CMTM6: variants seen among roughly 807,000 people sequenced by gnomAD.
CMTM6 encodes CKLF-like MARVEL transmembrane domain-containing protein 6.
CMTM6 carries 5 observed loss-of-function variants against 13.6 expected under a neutral mutation model. That is an observed-to-expected ratio of 0.37 (90% CI 0.19 to 0.77). The LOEUF is 0.77. Among genes scored for constraint, CMTM6 ranks in the 30% least tolerant of loss-of-function variants. The probability of loss-of-function intolerance (pLI) is 0.50; values close to 1 mark genes in which losing one functional copy is unlikely to be tolerated. For synonymous variants in CMTM6, 99 were observed against 84.5 expected (o/e 1.17, Z -0.94); for missense variants, 196 against 218.6 (o/e 0.90, Z 0.65).
chr3:32,501,800 T>C (rs1229869992), intron 1 of CMTM6, among the ~76,000 whole-genome samples: 1 of 152,224 alleles, frequency 6.6e-6, no homozygotes, highest in Non-Finnish European at 1.5e-5. Flanking sequence ...ACCTAAACTG[T>C]TTCTATTTTT....
rs760884671 is a variant in CMTM6, at chr3:32,502,517, C to G, written c.138+91G>C. 7.0e-5 allele frequency: 104 copies of G among 1,491,814 alleles called. No individual in the cohort carries two copies. In the Admixed American group the frequency reaches 1.4e-3, roughly 20 times the overall value. 92.4% of individuals were successfully genotyped at this position (1,491,814 alleles called of 1,614,324 possible). On this transcript the variant is annotated intron_variant, in intron 1 of 3. Coordinates refer to ENST00000205636, the MANE Select transcript of CMTM6 (RefSeq NM_017801.3). ...TGGAAACCTCCTTTTACTGAACAAC[C>G]AAGCTGAAACGAAGGAGCTCGGCGG...
In CMTM6 at chr3:32,484,103, G is replaced by A. The variant is rs757256458; in HGVS notation, c.415-6C>T. 10 of 1,567,836 alleles carry A rather than the reference G, an allele frequency of 6.4e-6. No homozygotes were observed. The East Asian group carries it at 2.1e-4, about 32-fold the overall frequency. ...CTTGCTATAAATCCAAACACCTGAG[G>A]AAAAAAAGGAGGAAAGGTTATATGA... On this transcript the variant is annotated splice_region_variant and splice_polypyrimidine_tract_variant and intron_variant, in intron 3 of 3. Coordinates refer to ENST00000205636, the MANE Select transcript of CMTM6 (RefSeq NM_017801.3).
chr3:32,483,679 G>A lies in CMTM6; in HGVS notation c.*281C>T, dbSNP rs368514833. 4.5e-5 allele frequency: 10 copies of A among 223,038 alleles called. No individual in the cohort carries two copies. Among genetic ancestry groups the A allele is most frequent in the Admixed American group, 1.7e-4 (3 of 17,958 alleles). The allele number at this position is 223,038 out of a possible 1,614,324, so 13.8% of individuals were successfully genotyped here. On this transcript the variant is annotated 3_prime_UTR_variant, in exon 4 of 4. Transcript: ENST00000205636. ...AGAATGACAGAATCATTTATCAACCGTTGAGCTGTGTGATTTAAAAACAAT... is the reference window on the plus strand; with the variant it reads ...AGAATGACAGAATCATTTATCAACCATTGAGCTGTGTGATTTAAAAACAAT...
intron 3 of CMTM6, among the ~76,000 whole-genome samples, chr3:32,484,426 A>G (rs951128818): frequency 1.3e-5 from 2 of 152,224 alleles, no homozygotes; most frequent in African/African-American, 4.8e-5. Flanking sequence ...GATACAAAAC[A>G]AAAATATTTG....
intron 1 of CMTM6, among the ~76,000 whole-genome samples, chr3:32,500,766 A>T (rs1697337596): frequency 6.6e-6 from 1 of 152,240 alleles, no homozygotes; most frequent in South Asian, 2.1e-4. Flanking sequence ...CAGTTTACTA[A>T]ACTATAAGAA....
At chr3:32,500,890 G>C (rs1697338379) in intron 1 of CMTM6, among the ~76,000 whole-genome samples, 1 of 151,880 alleles carries the variant, frequency 6.6e-6, no homozygotes, top group Non-Finnish European at 1.5e-5. Flanking sequence ...GATTTTTTTC[G>C]AGCAGCAAGA....
At chr3:32,496,749 A>G (rs1171917969) in intron 1 of CMTM6, among the ~76,000 whole-genome samples, 1 of 152,230 alleles carries the variant, frequency 6.6e-6, no homozygotes, top group Non-Finnish European at 1.5e-5. Flanking sequence ...CTGGATAGAC[A>G]GAGGACATTC....
At chr3:32,502,149 G>A (rs1052767053) in intron 1 of CMTM6, among the ~76,000 whole-genome samples, 2 of 152,232 alleles carry the variant, frequency 1.3e-5, no homozygotes, top group Admixed American at 1.3e-4. Context: ...GGTATCGCAG[G>A]ACTTTGTCCA....
chr3:32,495,906 T>C (rs1184468941), intron 1 of CMTM6, among the ~76,000 whole-genome samples: 1 of 152,112 alleles, frequency 6.6e-6, no homozygotes, highest in Non-Finnish European at 1.5e-5. Context: ...AGTATGGACA[T>C]CTGGCAGGGC....
At chr3:32,500,734 C>A (rs1418311289) in intron 1 of CMTM6, among the ~76,000 whole-genome samples, 1 of 152,092 alleles carries the variant, frequency 6.6e-6, no homozygotes, top group Non-Finnish European at 1.5e-5. Flanking sequence ...TGGTTATGTT[C>A]TATTCCAAAG....
Position 32,491,793 on chromosome 3 carries a change from C to A in CMTM6, c.232G>T (p.Ala78Ser), listed in dbSNP as rs575195249. ...AGTATAAGGAGACTCAGAAGAAAGGCACTGCAGCTTACAAACTCAAAAAAA... is the reference window on the plus strand; with the variant it reads ...AGTATAAGGAGACTCAGAAGAAAGGAACTGCAGCTTACAAACTCAAAAAAA... ...LYFFEFVSCS[A>S]FLLSLLILIV... Residue 78 changes from alanine to serine, a missense_variant, in exon 2 of 4, where the codon GCC (alanine) becomes TCC (serine). Physicochemically the swap from Ala to Ser is moderately conservative, Grantham distance 99 (BLOSUM62 1). Transcript: ENST00000205636. The A allele has an allele frequency of 8.7e-6, 14 of 1,613,882 alleles. No individual in the cohort carries two copies. In the South Asian group the frequency reaches 1.4e-4, roughly 16 times the overall value.
rs1233032970 is a variant in CMTM6 at position 32,482,937 on chromosome 3, A to G, written c.*1023T>C. ...TCTATCTGATAAGGAGACAGAGAAG[A>G]GGCATCTCGAACAGATGAAAAACCA... On this transcript the variant is annotated 3_prime_UTR_variant, in exon 4 of 4. Transcript: ENST00000205636. 2 of 152,392 alleles carry G rather than the reference A, an allele frequency of 1.3e-5. No individual in the cohort carries two copies. The highest frequency in any genetic ancestry group is 4.8e-5 in the African/African-American group (2 of 41,408). 9.4% of individuals were successfully genotyped at this position (152,392 alleles called of 1,614,324 possible). A position where few individuals can be genotyped will look rare whatever the true frequency, so the allele number is the denominator to read the frequency against.
intron 2 of CMTM6, among the ~76,000 whole-genome samples, chr3:32,490,242 CAA>C (rs567802958): frequency 4.4e-5 from 5 of 114,668 alleles, no homozygotes; most frequent in Admixed American, 9.2e-5. Flanking sequence ...CAAGACTTCT[CAA>C]AAAAAAAAAA....
At chr3:32,500,041 G>T (rs1165499395) in intron 1 of CMTM6, among the ~76,000 whole-genome samples, 1 of 152,058 alleles carries the variant, frequency 6.6e-6, no homozygotes. Flanking sequence ...TCTCTTGTAG[G>T]ATCTTTGAGA....
At chr3:32,500,331 C>T (rs1697333944) in intron 1 of CMTM6, among the ~76,000 whole-genome samples, 2 of 152,224 alleles carry the variant, frequency 1.3e-5, no homozygotes, top group Non-Finnish European at 2.9e-5. Context: ...ACAACTTTTA[C>T]CGACTTCATA....
At chr3:32,501,244 C>A (rs1391109822) in intron 1 of CMTM6, among the ~76,000 whole-genome samples, 2 of 149,010 alleles carry the variant, frequency 1.3e-5, no homozygotes, top group East Asian at 4.0e-4. Flanking sequence ...CTAAAGAGTT[C>A]TACTATTCAC....
intron 2 of CMTM6, among the ~76,000 whole-genome samples, chr3:32,489,220 A>C (rs1697230316): frequency 6.8e-6 from 1 of 146,002 alleles, no homozygotes; most frequent in Non-Finnish European, 1.5e-5. Context: ...CAGTGAGCCA[A>C]GGTCACACCA....
intron 3 of CMTM6, among the ~76,000 whole-genome samples, chr3:32,487,227 T>C (rs779896665): frequency 7.9e-5 from 12 of 152,082 alleles, no homozygotes; most frequent in Non-Finnish European, 1.6e-4. Flanking sequence ...CATATGGAGG[T>C]TTAAAAGCTG....
At chr3:32,501,727 C>G (rs1165147295) in intron 1 of CMTM6, among the ~76,000 whole-genome samples, 1 of 152,142 alleles carries the variant, frequency 6.6e-6, no homozygotes, top group Non-Finnish European at 1.5e-5. Context: ...CAAAGTAAGA[C>G]AAAACTCATA....
Sources: allele counts gnomAD v4.1 joint callset (sites outside exome capture counted in the v4.1 genomes callset), GRCh38; gene constraint gnomAD v4.1.1; transcripts MANE v1.5; gene names NCBI Gene and HGNC (gene_info 2026-07-23, HGNC 2026-07-21).